Variants in POU6F1 observed in about 807,000 individuals in gnomAD.
POU6F1 encodes the protein POU domain, class 6, transcription factor 1.
A neutral mutation model predicts 28.9 loss-of-function variants in POU6F1; 9 were observed. The ratio of observed to expected loss-of-function variants is 0.31; its 90% confidence interval spans 0.19 to 0.54. The LOEUF is 0.54. Ranked by LOEUF, POU6F1 falls within the 20% of genes least tolerant of loss-of-function variation. The probability of loss-of-function intolerance (pLI) is 0.94; values close to 1 mark genes in which losing one functional copy is unlikely to be tolerated. For missense variants in POU6F1, 338 were observed against 426.1 expected (o/e 0.79, Z 1.82); for synonymous variants, 173 against 171.1 (o/e 1.01, Z -0.09).
rs1942186150 is a variant in POU6F1, at chr12:51,188,561, T to C, written c.*1686A>G. ...AATTCAGCACACAACTGTCCTCCTCTTACTGGCCAGGCTACCAAGAGGGTG... is the reference window on the plus strand; with the variant it reads ...AATTCAGCACACAACTGTCCTCCTCCTACTGGCCAGGCTACCAAGAGGGTG... On this transcript the variant is annotated 3_prime_UTR_variant, in exon 11 of 11. Coordinates refer to ENST00000333640, the MANE Select transcript of POU6F1 (RefSeq NM_001330422.2). 1.3e-5 allele frequency: 2 copies of C among 152,340 alleles called. No individual in the cohort carries two copies. Among genetic ancestry groups the C allele is most frequent in the African/African-American group, 4.8e-5 (2 of 41,466 alleles). 9.4% of individuals were successfully genotyped at this position (152,340 alleles called of 1,614,324 possible).
intron 7 of POU6F1, 79 bp downstream of exon 7, chr12:51,196,720 A>G (rs1942852799): frequency 1.3e-6 from 2 of 1,536,732 alleles, no homozygotes; most frequent in African/African-American, 2.7e-5. Context: ...TCTATGACCC[A>G]CAGCCCAAGA....
chr12:51,205,554 A>G (rs1355049838), intron 2 of POU6F1, among the ~76,000 whole-genome samples: 1 of 152,214 alleles, frequency 6.6e-6, no homozygotes, highest in African/African-American at 2.4e-5. Context: ...CAAGAATCAG[A>G]GACAAAGTCT....
Position 51,198,619 on chromosome 12 carries a change from C to T in POU6F1, c.523G>A (p.Ala175Thr). The T allele has an allele frequency of 2.5e-6, 1 of 399,266 alleles. No individual in the cohort carries two copies. Among genetic ancestry groups the T allele is most frequent in the Non-Finnish European group, 4.4e-6 (1 of 226,258 alleles). 24.7% of individuals were successfully genotyped at this position (399,266 alleles called of 1,614,324 possible). ...VWTIPTATVAALPGLTAASPT... is the reference protein window; with the variant it reads ...VWTIPTATVATLPGLTAASPT... ...GAAGCAGCGGTCAGTCCTGGGAGGG[C>T]AGCCACAGTTGCTGTAGGAATTGTC... Residue 175 changes from alanine to threonine, a missense_variant, in exon 5 of 11, where the codon GCC (alanine) becomes ACC (threonine). Ala to Thr is a moderately conservative substitution (Grantham distance 58). Coordinates refer to ENST00000333640, the MANE Select transcript of POU6F1 (RefSeq NM_001330422.2).
chr12:51,188,830 G>C lies in POU6F1; in HGVS notation c.*1417C>G, dbSNP rs980678120. 3 of 151,966 alleles carry C rather than the reference G, an allele frequency of 2.0e-5. No individual in the cohort carries two copies. The highest frequency in any genetic ancestry group is 4.4e-5 in the Non-Finnish European group (3 of 67,974). 9.4% of individuals were successfully genotyped at this position (151,966 alleles called of 1,614,324 possible). On this transcript the variant is annotated 3_prime_UTR_variant, in exon 11 of 11. Transcript: ENST00000333640. ...CAGGGGTGGTTGACCCCCGTGACTT[G>C]GGGCCCTTTAGGGATAATCTACACC... is the stretch of plus-strand genomic sequence containing the variant.
At position 51,195,958 on chromosome 12, in the gene POU6F1, CA is replaced by C; in HGVS notation, c.1179+11del. 1 of 1,521,990 alleles carries C rather than the reference CA, an allele frequency of 6.6e-7. No homozygotes were observed. Among genetic ancestry groups the C allele is most frequent in the Non-Finnish European group, 8.9e-7 (1 of 1,125,064 alleles). 94.3% of individuals were successfully genotyped at this position (1,521,990 alleles called of 1,614,324 possible). Reference sequence around the variant, plus strand: ...AGCCTGCCCCACCCCCCACCCCCCCCAGCCCCTGTACCTCACTCTTAGCAGG... The same window carrying C: ...AGCCTGCCCCACCCCCCACCCCCCCCGCCCCTGTACCTCACTCTTAGCAGG... On this transcript the variant is annotated intron_variant, in intron 8 of 10. Coordinates refer to ENST00000333640, the MANE Select transcript of POU6F1 (RefSeq NM_001330422.2).
intron 8 of POU6F1, among the ~76,000 whole-genome samples, chr12:51,194,532 C>T (rs58959803): frequency 0.015 from 2,229 of 150,502 alleles, 52 homozygotes; most frequent in African/African-American, 0.051. Flanking sequence ...TCCCAGCTAC[C>T]GGGGAGGCTG....
At chr12:51,192,309 A>G in intron 9 of POU6F1, 21 bp downstream of exon 9, 2 of 1,612,564 alleles carry the variant, frequency 1.2e-6, no homozygotes, top group Non-Finnish European at 1.7e-6. Flanking sequence ...TCTCCACACT[A>G]CTTCTCCAGG....
At chr12:51,200,427 A>G (rs1173989318) in intron 3 of POU6F1, among the ~76,000 whole-genome samples, 1 of 152,202 alleles carries the variant, frequency 6.6e-6, no homozygotes, top group African/African-American at 2.4e-5. Context: ...GCTCTCCAGG[A>G]CAGCCAGCTT....
chr12:51,213,508 C>G (rs1370720117), intron 1 of POU6F1, among the ~76,000 whole-genome samples: 1 of 152,098 alleles, frequency 6.6e-6, no homozygotes, highest in African/African-American at 2.4e-5. Context: ...GCCACCATAC[C>G]TGGCCCATTT....
At chr12:51,202,356 A>G (rs1013785944) in intron 3 of POU6F1, 3 of 151,604 alleles carry the variant, frequency 2.0e-5, no homozygotes, top group African/African-American at 7.3e-5. Flanking sequence ...ACGGAGTCTC[A>G]CTCTGTTGCC....
In POU6F1 at chr12:51,205,243, T is replaced by C. The variant is rs574952866; in HGVS notation, c.49-875A>G. Reference sequence around the variant, plus strand: ...TTTTAGTAGAGATGGGGTTTCACTGTGTTGGCCAGGATGGTCTCGATCTCC... The same window carrying C: ...TTTTAGTAGAGATGGGGTTTCACTGCGTTGGCCAGGATGGTCTCGATCTCC... On this transcript the variant is annotated intron_variant, in intron 2 of 10. Coordinates refer to ENST00000333640, the MANE Select transcript of POU6F1 (RefSeq NM_001330422.2). 4.6e-5 allele frequency among the ~76,000 whole-genome samples: 7 copies of C among 152,066 alleles called. No individual in the cohort carries two copies. In the South Asian group the frequency reaches 1.2e-3, roughly 27 times the overall value.
chr12:51,206,675 G>A (rs1489506321), intron 2 of POU6F1, 114 bp downstream of exon 2: 1 of 398,000 alleles, frequency 2.5e-6, no homozygotes, highest in African/African-American at 2.1e-5. Context: ...CAGGTGAAGT[G>A]ATGGTGAACC....
intron 1 of POU6F1, among the ~76,000 whole-genome samples, chr12:51,213,491 G>C (rs1250671025): frequency 6.6e-6 from 1 of 152,038 alleles, no homozygotes; most frequent in African/African-American, 2.4e-5. Context: ...TGGTATTACT[G>C]GCATGAGCCA....
In POU6F1 at chr12:51,212,411, G is replaced by A. The variant is rs553977516; in HGVS notation, c.-48+5231C>T. 5.3e-5 allele frequency among the ~76,000 whole-genome samples: 8 copies of A among 151,714 alleles called. No homozygotes were observed. In the East Asian group the frequency reaches 9.8e-4, roughly 19 times the overall value. Reference sequence around the variant, plus strand: ...CCAGCCAAACCTTTGTTTTTTCAACGCATGTTTCAGTGGCTACTATGTGCT... The same window carrying A: ...CCAGCCAAACCTTTGTTTTTTCAACACATGTTTCAGTGGCTACTATGTGCT... On this transcript the variant is annotated intron_variant, in intron 1 of 10. Transcript: ENST00000333640.
In POU6F1 at chr12:51,190,688, G is replaced by A. The variant is rs1192572270; in HGVS notation, c.1491-96C>T. ...GTGCAGGCTCCATCCTCAAGGGGCC[G>A]CTCCTCTAGGGGCTGGTGAGACTGT... On this transcript the variant is annotated intron_variant, in intron 10 of 10. Coordinates refer to ENST00000333640, the MANE Select transcript of POU6F1 (RefSeq NM_001330422.2). The surrounding 1 kb of genome is among the most constrained non-coding windows in gnomAD (Gnocchi z 4.5). The A allele has an allele frequency of 8.6e-6, 13 of 1,508,662 alleles. No individual in the cohort carries two copies. In the East Asian group the frequency reaches 1.4e-4, roughly 16 times the overall value. The allele number at this position is 1,508,662 out of a possible 1,614,324, so 93.5% of individuals were successfully genotyped here.
intron 3 of POU6F1, among the ~76,000 whole-genome samples, chr12:51,200,959 C>G (rs1355297197): frequency 1.3e-5 from 2 of 152,164 alleles, no homozygotes; most frequent in African/African-American, 4.8e-5. Context: ...TCCCGAAGTG[C>G]TGGGATTACA....
intron 3 of POU6F1, among the ~76,000 whole-genome samples, chr12:51,200,556 G>A (rs987195366): frequency 6.6e-6 from 1 of 152,150 alleles, no homozygotes; most frequent in African/African-American, 2.4e-5. Context: ...CACACGTACT[G>A]GGGTACCCCA....
intron 1 of POU6F1, among the ~76,000 whole-genome samples, chr12:51,208,458 G>A (rs369840178): frequency 2.6e-5 from 4 of 152,330 alleles, no homozygotes; most frequent in Non-Finnish European, 4.4e-5. Flanking sequence ...CCCTGGGGGC[G>A]TGGGGAATGG....
chr12:51,188,179 C>T lies in POU6F1; in HGVS notation c.*2068G>A, dbSNP rs1381464137. The T allele has an allele frequency of 2.6e-5, 4 of 152,228 alleles. No individual in the cohort carries two copies. The highest frequency in any genetic ancestry group is 4.8e-5 in the African/African-American group (2 of 41,462). The allele number at this position is 152,228 out of a possible 1,614,324, so 9.4% of individuals were successfully genotyped here. ...CAGACCTCAAATGATCCGCCCACCT[C>T]GGCCTTCCAAAGTGTTGGAATTACA... On this transcript the variant is annotated 3_prime_UTR_variant, in exon 11 of 11. Coordinates refer to ENST00000333640, the MANE Select transcript of POU6F1 (RefSeq NM_001330422.2).
Sources: gnomAD v4.1 joint callset for allele counts (sites outside exome capture counted in the v4.1 genomes callset) on GRCh38, gnomAD v4.1.1 for gene constraint, Gnocchi (gnomAD v3.1) non-coding constraint, MANE v1.5 for transcripts, NCBI Gene and HGNC (gene_info 2026-07-23, HGNC 2026-07-21) for gene names.